The following KCNJ3 variants were observed in gnomAD, a reference collection of about 807,000 sequenced individuals.
KCNJ3 encodes the protein G protein-activated inward rectifier potassium channel 1.
Under a neutral mutation model 39.2 loss-of-function variants are expected in KCNJ3, and 4 were observed. The ratio of observed to expected loss-of-function variants is 0.10; its 90% CI spans 0.05 to 0.23. KCNJ3 has a LOEUF of 0.23. KCNJ3 is among the 10% of genes least tolerant of loss of function. KCNJ3 has a pLI of 1.00. For missense variants in KCNJ3, 276 were observed against 634.9 expected (o/e 0.43, Z 6.08); for synonymous variants, 230 against 237.4 (o/e 0.97, Z 0.29).
At chr2:154,801,865 G>A (rs1045909976) in intron 2 of KCNJ3, among the ~76,000 whole-genome samples, 2 of 152,090 alleles carry the variant, frequency 1.3e-5, no homozygotes, top group African/African-American at 4.8e-5. Context: ...GGGCTCAAGC[G>A]ATTCACCTGC....
chr2:154,731,532 C>T (rs756733475), intron 2 of KCNJ3, among the ~76,000 whole-genome samples: 2 of 151,658 alleles, frequency 1.3e-5, no homozygotes, highest in African/African-American at 4.8e-5. Context: ...TTGAAATGTA[C>T]AAGTTAAGTA....
At chr2:154,806,781 G>GAGCAA (rs1686918043) in intron 2 of KCNJ3, among the ~76,000 whole-genome samples, 1 of 152,124 alleles carries the variant, frequency 6.6e-6, no homozygotes, top group Non-Finnish European at 1.5e-5. Context: ...CAGGTTTCCA[G>GAGCAA]ATTCAGCTAC....
intron 2 of KCNJ3, among the ~76,000 whole-genome samples, chr2:154,826,683 G>T (rs1341526203): frequency 6.6e-6 from 1 of 152,180 alleles, no homozygotes; most frequent in Admixed American, 6.5e-5. Flanking sequence ...GTCCCGCCAT[G>T]AGATATGATG....
At chr2:154,833,806 A>T (rs1687403432) in intron 2 of KCNJ3, among the ~76,000 whole-genome samples, 1 of 152,132 alleles carries the variant, frequency 6.6e-6, no homozygotes, top group Non-Finnish European at 1.5e-5. Context: ...GCCTTTTCAG[A>T]TGATTTCTTT....
At chr2:154,824,759 CAGA>C (rs1405353620) in intron 2 of KCNJ3, among the ~76,000 whole-genome samples, 3 of 152,028 alleles carry the variant, frequency 2.0e-5, no homozygotes, top group African/African-American at 7.2e-5. Flanking sequence ...AGAATCCAGC[CAGA>C]AGAAAAGAAT....
intron 2 of KCNJ3, among the ~76,000 whole-genome samples, chr2:154,785,340 A>G (rs1686508983): frequency 6.6e-6 from 1 of 152,198 alleles, no homozygotes; most frequent in African/African-American, 2.4e-5. Flanking sequence ...CTCCTGCCTT[A>G]CAGATGGCCA....
At chr2:154,776,449 C>G (rs1162798817) in intron 2 of KCNJ3, among the ~76,000 whole-genome samples, 1 of 152,054 alleles carries the variant, frequency 6.6e-6, no homozygotes. Context: ...AAATCACGTA[C>G]ACATAATATA....
intron 2 of KCNJ3, among the ~76,000 whole-genome samples, chr2:154,770,995 A>G (rs1686231747): frequency 6.8e-6 from 1 of 147,684 alleles, no homozygotes; most frequent in Admixed American, 6.9e-5. Context: ...GGTTCAAGTG[A>G]CTCTCCTGCC....
intron 1 of KCNJ3, among the ~76,000 whole-genome samples, chr2:154,700,649 T>C (rs1471634257): frequency 6.6e-6 from 1 of 152,226 alleles, no homozygotes; most frequent in Non-Finnish European, 1.5e-5. Flanking sequence ...GAAATTTCAA[T>C]TTCCAATCCA....
rs1305431483 is a variant in KCNJ3, at chr2:154,857,934, A to AAACAGGGT, written c.*2626_*2633dup. 3 of 129,964 alleles carry AAACAGGGT rather than the reference A, an allele frequency of 2.3e-5. No individual in the cohort carries two copies. Among genetic ancestry groups the AAACAGGGT allele is most frequent in the African/African-American group, 8.2e-5 (3 of 36,708 alleles). 8.1% of individuals were successfully genotyped at this position (129,964 alleles called of 1,614,324 possible). A position where few individuals can be genotyped will look rare whatever the true frequency, so the allele number is the denominator to read the frequency against. ...AAAAAAAAAAAAAAAAAAAGAATAA[A>AAACAGGGT]AACAGGGTAACATAATGCAAAGTAA... On this transcript the variant is annotated 3_prime_UTR_variant, in exon 3 of 3. Transcript: ENST00000295101.
intron 2 of KCNJ3, among the ~76,000 whole-genome samples, chr2:154,725,877 C>T (rs1685346920): frequency 6.6e-6 from 1 of 152,090 alleles, no homozygotes; most frequent in Non-Finnish European, 1.5e-5. Flanking sequence ...TTCTATTCAA[C>T]AAATGGTGCT....
intron 2 of KCNJ3, among the ~76,000 whole-genome samples, chr2:154,830,241 A>G (rs1687340176): frequency 6.6e-6 from 1 of 152,180 alleles, no homozygotes; most frequent in Non-Finnish European, 1.5e-5. Context: ...AAATTGCACT[A>G]TTCAGGCAAT....
chr2:154,795,243 A>G (rs749703926), intron 2 of KCNJ3, among the ~76,000 whole-genome samples: 7 of 152,084 alleles, frequency 4.6e-5, no homozygotes, highest in Admixed American at 6.6e-5. Flanking sequence ...ATTGTTCAAC[A>G]GCAATGCACA....
At chr2:154,849,286 A>G (rs1411895916) in intron 2 of KCNJ3, among the ~76,000 whole-genome samples, 3 of 152,126 alleles carry the variant, frequency 2.0e-5, no homozygotes, top group Non-Finnish European at 4.4e-5. Context: ...TTATTACTAC[A>G]TGACTTAACT....
chr2:154,750,014 A>C (rs1685811166), intron 2 of KCNJ3, among the ~76,000 whole-genome samples: 1 of 152,060 alleles, frequency 6.6e-6, no homozygotes, highest in Admixed American at 6.6e-5. Flanking sequence ...ATCATGCCTA[A>C]AATAGTAGTT....
intron 2 of KCNJ3, among the ~76,000 whole-genome samples, chr2:154,849,976 G>A (rs1687727701): frequency 8.4e-6 from 1 of 119,138 alleles, no homozygotes; most frequent in African/African-American, 3.3e-5. Flanking sequence ...TTTTAAATCT[G>A]TGAATATTGC....
Position 154,855,786 on chromosome 2 carries a change from CACATACAT to C in KCNJ3, c.*487_*494del, listed in dbSNP as rs546939089. The C allele has an allele frequency of 7.2e-5, 11 of 152,238 alleles. No individual in the cohort carries two copies. The highest frequency in any genetic ancestry group is 1.5e-4 in the Non-Finnish European group (10 of 68,000). 9.4% of individuals were successfully genotyped at this position (152,238 alleles called of 1,614,324 possible). ...ATACATATATATATACACATACATACACATACATACATACATACATATATATCTGATAA... is the reference window on the plus strand; with the variant it reads ...ATACATATATATATACACATACATACACATACATACATATATATCTGATAA... On this transcript the variant is annotated 3_prime_UTR_variant, in exon 3 of 3. Coordinates refer to ENST00000295101, the MANE Select transcript of KCNJ3 (RefSeq NM_002239.4).
At chr2:154,801,864 C>A (rs528296200) in intron 2 of KCNJ3, among the ~76,000 whole-genome samples, 1 of 152,058 alleles carries the variant, frequency 6.6e-6, no homozygotes, top group African/African-American at 2.4e-5. Context: ...TGGGCTCAAG[C>A]GATTCACCTG....
intron 2 of KCNJ3, among the ~76,000 whole-genome samples, chr2:154,832,838 C>T (rs1687386705): frequency 6.6e-6 from 1 of 152,160 alleles, no homozygotes; most frequent in African/African-American, 2.4e-5. Context: ...CTACGTATTT[C>T]TTGCCTTCAT....
Sources: allele counts gnomAD v4.1 joint callset (sites outside exome capture counted in the v4.1 genomes callset), GRCh38; gene constraint gnomAD v4.1.1; transcripts MANE v1.5; gene names NCBI Gene and HGNC (gene_info 2026-07-23, HGNC 2026-07-21).